The following BPI variants were observed in gnomAD, a reference collection of about 807,000 sequenced individuals.
The protein encoded by BPI is bactericidal permeability-increasing protein.
BPI carries 48 observed loss-of-function variants against 57.6 expected under a neutral mutation model. That is an observed-to-expected ratio of 0.83 (90% confidence interval 0.66 to 1.06). The LOEUF (loss-of-function observed/expected upper bound fraction) is 1.06. BPI is among the 50% of genes least tolerant of loss of function. The pLI, the probability that BPI is intolerant of heterozygous loss-of-function variation, is 0.00. For synonymous variants in BPI, 237 were observed against 238.2 expected (o/e 0.99, Z 0.05); for missense variants, 651 against 609.7 (o/e 1.07, Z -0.71).
At chr20:38,312,598 A>G (rs1184881327) in intron 5 of BPI, among the ~76,000 whole-genome samples, 1 of 152,228 alleles carries the variant, frequency 6.6e-6, no homozygotes, top group Non-Finnish European at 1.5e-5. Flanking sequence ...AAGCCACTGA[A>G]GGTTTTATGC....
intron 1 of BPI, among the ~76,000 whole-genome samples, chr20:38,306,192 C>G (rs571860216): frequency 6.6e-6 from 1 of 152,134 alleles, no homozygotes; most frequent in Admixed American, 6.5e-5. Flanking sequence ...CCATCACACC[C>G]AGCTAATTTT....
At position 38,337,254 on chromosome 20, in the gene BPI, T is replaced by C. The variant is rs1249498814; in HGVS notation, c.*70T>C. The C allele has an allele frequency of 8.0e-6, 11 of 1,369,076 alleles. No individual in the cohort carries two copies. The East Asian group carries it at 2.3e-4, about 28-fold the overall frequency. The allele number at this position is 1,369,076 out of a possible 1,614,324, so 84.8% of individuals were successfully genotyped here. The stretch of plus-strand genomic sequence containing the variant: ...TGGGCTGTGGGGCACCGGCTGCCTT[T>C]CCCCAGGGAATCCTCTCCAGATCTT... On this transcript the variant is annotated 3_prime_UTR_variant, in exon 15 of 15. Transcript: ENST00000642449.
At position 38,326,430 on chromosome 20, in the gene BPI, A is replaced by T; in HGVS notation, c.1159A>T (p.Met387Leu). The T allele has an allele frequency of 6.2e-7, 1 of 1,612,746 alleles. No homozygotes were observed. Among genetic ancestry groups the T allele is most frequent in the African/African-American group, 1.3e-5 (1 of 75,020 alleles). The change falls in exon 10 of 15, where the codon ATG (methionine) becomes TTG (leucine). Residue 387 changes from methionine (M) to leucine (L), a missense_variant and splice_region_variant. Physicochemically the swap from Met to Leu is conservative, Grantham distance 15 (BLOSUM62 2). Coordinates refer to ENST00000642449, the MANE Select transcript of BPI (RefSeq NM_001725.3). Reference protein sequence around the residue: ...SSLASLFLIGMHTTGSMEVSA... With the variant: ...SSLASLFLIGLHTTGSMEVSA... ...CCTGGCTTCCCTCTTCCTGATTGGC[A>T]TGGTAAGCAGTTCCTGGGTTGGACA...
At chr20:38,306,305 G>C (rs769343966) in intron 1 of BPI, among the ~76,000 whole-genome samples, 6 of 152,354 alleles carry the variant, frequency 3.9e-5, no homozygotes, top group South Asian at 4.1e-4. Flanking sequence ...AAAGTGCTGG[G>C]ATTACAGGCG....
chr20:38,314,399 G>T (rs1396066790), intron 5 of BPI, among the ~76,000 whole-genome samples: 1 of 150,230 alleles, frequency 6.7e-6, no homozygotes, highest in Non-Finnish European at 1.5e-5. Flanking sequence ...GATTGATGAT[G>T]GTGATGGTGG....
intron 12 of BPI, among the ~76,000 whole-genome samples, chr20:38,332,701 G>C: frequency 6.6e-6 from 1 of 152,154 alleles, no homozygotes; most frequent in East Asian, 1.9e-4. Context: ...GGGCTGGTAG[G>C]AGAGGGAAGA....
rs747360374 is a variant in BPI at position 38,318,476 on chromosome 20, G to A, written c.664G>A (p.Val222Ile). The A allele has an allele frequency of 2.5e-6, 4 of 1,612,534 alleles. No homozygotes were observed. The Admixed American group carries it at 5.0e-5, about 20-fold the overall frequency. Residue 222 changes from valine to isoleucine, a missense_variant and splice_region_variant, in exon 6 of 15, where the codon GTA becomes ATA. Val to Ile is a conservative substitution (Grantham distance 29). Transcript: ENST00000642449. ...ELQPYFQTLPVMTKIDSVAGI... is the reference protein window; with the variant it reads ...ELQPYFQTLPIMTKIDSVAGI... ...GCAACCTTATTTCCAGACTCTGCCA[G>A]GTGAGGGCTGGATGAAGATCAAGGA... is the stretch of plus-strand genomic sequence containing the variant.
At chr20:38,308,259 G>A (rs1156262079) in intron 2 of BPI, among the ~76,000 whole-genome samples, 1 of 152,212 alleles carries the variant, frequency 6.6e-6, no homozygotes, top group Non-Finnish European at 1.5e-5. Context: ...ACTGTAGCCA[G>A]GGAATGAAAT....
At chr20:38,326,208 A>G (rs1415287049) in intron 9 of BPI, 57 bp from the exon 10 acceptor site, 1 of 1,547,172 alleles carries the variant, frequency 6.5e-7, no homozygotes, top group Non-Finnish European at 8.8e-7. Context: ...GGTAGGATTC[A>G]GAAACATTTT....
chr20:38,307,476 A>C (rs1443508085), intron 1 of BPI, 91 bp from the exon 2 acceptor site: 1 of 910,674 alleles, frequency 1.1e-6, no homozygotes, highest in Non-Finnish European at 1.6e-6. Flanking sequence ...CCATGCTACG[A>C]ACAGGGGCCC....
intron 11 of BPI, among the ~76,000 whole-genome samples, chr20:38,329,461 C>T (rs1033278337): frequency 1.3e-5 from 2 of 152,170 alleles, no homozygotes; most frequent in East Asian, 1.9e-4. Context: ...GCTTCAGAAA[C>T]GTATAGATTT....
intron 10 of BPI, among the ~76,000 whole-genome samples, chr20:38,327,066 A>G (rs2076717193): frequency 6.6e-6 from 1 of 152,128 alleles, no homozygotes; most frequent in South Asian, 2.1e-4. Flanking sequence ...TCACTCCGCA[A>G]AGATTTGGTG....
At chr20:38,329,744 G>GCAAAA (rs1447527180) in intron 11 of BPI, among the ~76,000 whole-genome samples, 6 of 151,660 alleles carry the variant, frequency 4.0e-5, no homozygotes, top group Non-Finnish European at 7.4e-5. Flanking sequence ...ACAGAGTTTT[G>GCAAAA]CTCTGTCACC....
chr20:38,311,519 A>G (rs1401433728), intron 4 of BPI, among the ~76,000 whole-genome samples: 1 of 152,060 alleles, frequency 6.6e-6, no homozygotes, highest in African/African-American at 2.4e-5. Flanking sequence ...GGTGTTGGGG[A>G]GGGGGGTGTT....
At chr20:38,335,753 A>G in intron 14 of BPI, 79 bp downstream of exon 14, 1 of 1,424,578 alleles carries the variant, frequency 7.0e-7, no homozygotes, top group Non-Finnish European at 9.9e-7. Context: ...TGCTTCCTGC[A>G]TGCCAAGCCC....
intron 12 of BPI, among the ~76,000 whole-genome samples, chr20:38,333,573 A>G (rs2076752704): frequency 6.6e-6 from 1 of 151,886 alleles, no homozygotes; most frequent in Admixed American, 6.6e-5. Context: ...TGCTATGCCT[A>G]TTTAATTAAA....
chr20:38,318,557 C>T (rs938876952), intron 6 of BPI, 81 bp downstream of exon 6: 10 of 1,490,494 alleles, frequency 6.7e-6, no homozygotes, highest in South Asian at 2.3e-5. Context: ...GTGATGGGGC[C>T]GGCAAGTTTC....
intron 6 of BPI, among the ~76,000 whole-genome samples, chr20:38,319,611 G>A (rs78387431): frequency 0.013 from 1,931 of 152,274 alleles, 40 homozygotes; most frequent in African/African-American, 0.045. Flanking sequence ...TCTGAGCCTT[G>A]GTTTCTTCCC....
chr20:38,315,839 T>TC (rs936877953), intron 5 of BPI, among the ~76,000 whole-genome samples: 5 of 149,972 alleles, frequency 3.3e-5, no homozygotes, highest in Admixed American at 2.0e-4. Flanking sequence ...TCTTTTCTTT[T>TC]TTTTTTTTTT....
Sources: gnomAD v4.1 joint callset for allele counts (sites outside exome capture counted in the v4.1 genomes callset) on GRCh38, gnomAD v4.1.1 for gene constraint, MANE v1.5 for transcripts, NCBI Gene and HGNC (gene_info 2026-07-23, HGNC 2026-07-21) for gene names.